Variants in SKAP2 observed in about 807,000 individuals in gnomAD.
The protein encoded by SKAP2 is src kinase associated phosphoprotein 2.
In SKAP2, 28 loss-of-function variants were observed where a neutral mutation model predicts 54.9. That is an observed-to-expected ratio of 0.51 (90% CI 0.38 to 0.70). The LOEUF (loss-of-function observed/expected upper bound fraction) is 0.70. Ranked by LOEUF, SKAP2 falls within the 30% of genes least tolerant of loss-of-function variation. The pLI is 0.00. For synonymous variants in SKAP2, 137 were observed against 134.3 expected, an observed-to-expected ratio of 1.02 and a Z score of -0.14; for missense variants, 356 against 424.1, an observed-to-expected ratio of 0.84 and a Z score of 1.41.
At chr7:26,835,871 C>T in intron 4 of SKAP2, among the ~76,000 whole-genome samples, 1 of 152,150 alleles carries the variant, frequency 6.6e-6, no homozygotes, top group South Asian at 2.1e-4. Context: ...CAAAAAAGAG[C>T]CCGTATAGCC....
chr7:26,751,939 G>A (rs1377955686), intron 4 of SKAP2, among the ~76,000 whole-genome samples: 1 of 152,078 alleles, frequency 6.6e-6, no homozygotes, highest in African/African-American at 2.4e-5. Flanking sequence ...AGGAAAGGGA[G>A]GAGGCAGAGT....
intron 9 of SKAP2, among the ~76,000 whole-genome samples, chr7:26,721,147 T>C (rs1354601455): frequency 6.6e-6 from 1 of 152,196 alleles, no homozygotes; most frequent in Non-Finnish European, 1.5e-5. Context: ...AAAAATTGTT[T>C]GGTGAAGTCA....
chr7:26,864,465 C>T lies in SKAP2; in HGVS notation c.-36G>A, dbSNP rs756135845. The T allele has an allele frequency of 3.1e-5, 48 of 1,571,820 alleles. No individual in the cohort carries two copies. The highest frequency in any genetic ancestry group is 4.0e-5 in the Non-Finnish European group (46 of 1,159,548). ...GCAGGGCGTGCGGGGAAAGGACCTG[C>T]GCTGAAAAGGTGACCGACGGGGTGG... is the stretch of plus-strand genomic sequence containing the variant. On this transcript the variant is annotated 5_prime_UTR_variant, in exon 1 of 13. Transcript: ENST00000345317.
intron 4 of SKAP2, among the ~76,000 whole-genome samples, chr7:26,783,396 A>C (rs1456441202): frequency 1.3e-5 from 2 of 151,840 alleles, no homozygotes; most frequent in Non-Finnish European, 2.9e-5. Context: ...CGTTTCCCCC[A>C]CCAATATTTC....
intron 4 of SKAP2, among the ~76,000 whole-genome samples, chr7:26,751,463 A>C (rs1459262737): frequency 3.3e-5 from 5 of 152,180 alleles, no homozygotes; most frequent in Non-Finnish European, 7.4e-5. Context: ...AAACATTCTT[A>C]ATGCTTTAGT....
chr7:26,725,495 A>G lies in SKAP2; in HGVS notation c.729T>C (p.Pro243=). The change falls in exon 9 of 13, where the codon CCT becomes CCC. Residue 243 remains proline, a synonymous_variant. Transcript: ENST00000345317. ...RGELYDDVDH[P]LPISNPLTSS... is the part of the protein sequence containing the mutation. Reference sequence around the variant, plus strand: ...TTGTTAGTGGATTGCTTATTGGTAGAGGATGATCAACATCATCATATAATT... The same window carrying G: ...TTGTTAGTGGATTGCTTATTGGTAGGGGATGATCAACATCATCATATAATT... 1.2e-6 allele frequency: 2 copies of G among 1,612,268 alleles called. No homozygotes were observed. The highest frequency in any genetic ancestry group is 1.7e-6 in the Non-Finnish European group (2 of 1,179,424).
chr7:26,817,627 A>G (rs1346680520), intron 4 of SKAP2, among the ~76,000 whole-genome samples: 1 of 152,084 alleles, frequency 6.6e-6, no homozygotes, highest in Non-Finnish European at 1.5e-5. Flanking sequence ...ACACAGGTTT[A>G]TTTCTTTTTA....
At chr7:26,717,722 C>T (rs1054916844) in intron 9 of SKAP2, among the ~76,000 whole-genome samples, 3 of 150,354 alleles carry the variant, frequency 2.0e-5, no homozygotes, top group Non-Finnish European at 4.4e-5. Context: ...AATCCAGGTA[C>T]TTGGGAGGCT....
At chr7:26,804,186 A>G (rs1425763615) in intron 4 of SKAP2, among the ~76,000 whole-genome samples, 2 of 152,218 alleles carry the variant, frequency 1.3e-5, no homozygotes, top group African/African-American at 2.4e-5. Flanking sequence ...TGATGTGCCT[A>G]TGTCACACTG....
At chr7:26,747,101 TA>T (rs529768137) in intron 4 of SKAP2, among the ~76,000 whole-genome samples, 141 of 152,250 alleles carry the variant, frequency 9.3e-4, no homozygotes, top group African/African-American at 3.2e-3. Context: ...CCTCAAACAA[TA>T]ATCACTGCCG....
At chr7:26,765,972 T>A (rs932942820) in intron 4 of SKAP2, among the ~76,000 whole-genome samples, 1 of 152,208 alleles carries the variant, frequency 6.6e-6, no homozygotes, top group African/African-American at 2.4e-5. Context: ...TGGTTCCATA[T>A]GAAATTTACA....
At chr7:26,836,525 G>A (rs530049320) in intron 4 of SKAP2, among the ~76,000 whole-genome samples, 43 of 152,204 alleles carry the variant, frequency 2.8e-4, no homozygotes, top group South Asian at 4.1e-4. Context: ...AAAAGTGGGC[G>A]AAGGATATGA....
chr7:26,816,375 C>G (rs1784265965), intron 4 of SKAP2, among the ~76,000 whole-genome samples: 1 of 151,990 alleles, frequency 6.6e-6, no homozygotes, highest in African/African-American at 2.4e-5. Flanking sequence ...CCTCCTATCA[C>G]TTATGAATAC....
intron 9 of SKAP2, among the ~76,000 whole-genome samples, chr7:26,713,844 C>T (rs1264318010): frequency 1.3e-5 from 2 of 152,274 alleles, no homozygotes; most frequent in African/African-American, 4.8e-5. Flanking sequence ...CGTGATCCAC[C>T]TGCCTCGGCC....
intron 1 of SKAP2, 137 bp downstream of exon 1, chr7:26,864,226 T>A: frequency 9.9e-7 from 1 of 1,007,708 alleles, no homozygotes; most frequent in Non-Finnish European, 1.5e-6. Flanking sequence ...CTCTCCTCCC[T>A]GTGCCGACCC....
chr7:26,779,953 C>T (rs1223735213), intron 4 of SKAP2, among the ~76,000 whole-genome samples: 1 of 151,950 alleles, frequency 6.6e-6, no homozygotes, highest in Non-Finnish European at 1.5e-5. Context: ...ACCAGGAGTG[C>T]CTGAAGTGAG....
chr7:26,800,077 T>C (rs1417167567), intron 4 of SKAP2, among the ~76,000 whole-genome samples: 2 of 152,058 alleles, frequency 1.3e-5, no homozygotes, highest in Non-Finnish European at 2.9e-5. Context: ...TGAGCCAAGA[T>C]TGCGCCACTG....
intron 4 of SKAP2, among the ~76,000 whole-genome samples, chr7:26,807,632 G>C (rs910461884): frequency 5.9e-5 from 9 of 152,188 alleles, no homozygotes; most frequent in African/African-American, 2.2e-4. Flanking sequence ...AATTTTGAAA[G>C]GGAGTTCTAC....
At chr7:26,789,652 G>A (rs1006653336) in intron 4 of SKAP2, among the ~76,000 whole-genome samples, 33 of 151,994 alleles carry the variant, frequency 2.2e-4, no homozygotes, top group African/African-American at 7.5e-4. Flanking sequence ...ATCATAGGCC[G>A]CCAAATATCA....
Sources: gnomAD v4.1 joint callset for allele counts (sites outside exome capture counted in the v4.1 genomes callset) on GRCh38, gnomAD v4.1.1 for gene constraint, MANE v1.5 for transcripts, NCBI Gene and HGNC (gene_info 2026-07-23, HGNC 2026-07-21) for gene names.